The following BCL2 variants were observed in gnomAD, a reference collection of about 807,000 sequenced individuals.
BCL2 encodes the protein BCL2 apoptosis regulator.
BCL2 carries 1 observed loss-of-function variant against 14.2 expected under a neutral mutation model. The observed-to-expected ratio is 0.07, with a 90% confidence interval of 0.02 to 0.33. The LOEUF (loss-of-function observed/expected upper bound fraction) is 0.33. Ranked by LOEUF, BCL2 falls within the 10% of genes least tolerant of loss-of-function variation. BCL2 has a pLI of 0.99. For missense variants in BCL2, 247 were observed against 305.9 expected, an observed-to-expected ratio of 0.81 and a Z score of 1.44; for synonymous variants, 151 against 137.2, an observed-to-expected ratio of 1.10 and a Z score of -0.70.
At position 63,128,708 on chromosome 18, in the gene BCL2, A is replaced by T; in HGVS notation, c.637T>A (p.Ser213Thr). 1.3e-6 allele frequency: 1 copy of T among 781,074 alleles called. No individual in the cohort carries two copies. Among genetic ancestry groups the T allele is most frequent in the Admixed American group, 1.7e-5 (1 of 59,046 alleles). The allele number at this position is 781,074 out of a possible 1,614,324, so 48.4% of individuals were successfully genotyped here. ...GPSMRPLFDF[S>T]WLSLKTLLSL... is the part of the protein sequence containing the mutation. ...AGCAGAGTCTTCAGAGACAGCCAGGAGAAATCAAACAGAGGCCGCATGCTG... is the reference window on the plus strand; with the variant it reads ...AGCAGAGTCTTCAGAGACAGCCAGGTGAAATCAAACAGAGGCCGCATGCTG... Residue 213 changes from serine (S) to threonine (T), a missense_variant, in exon 3 of 3, where the codon TCC becomes ACC. Coordinates refer to ENST00000333681, the MANE Select transcript of BCL2 (RefSeq NM_000633.3).
chr18:63,299,106 G>A (rs977339875), intron 2 of BCL2, among the ~76,000 whole-genome samples: 1 of 152,192 alleles, frequency 6.6e-6, no homozygotes, highest in African/African-American at 2.4e-5. Context: ...AGAAATACAC[G>A]AATAGTGATA....
At chr18:63,139,716 A>G (rs1914305671) in intron 2 of BCL2, among the ~76,000 whole-genome samples, 1 of 152,200 alleles carries the variant, frequency 6.6e-6, no homozygotes, top group African/African-American at 2.4e-5. Flanking sequence ...TTTTGGCTTT[A>G]AAACGAAGTT....
chr18:63,200,509 T>C (rs1188319356), intron 2 of BCL2, among the ~76,000 whole-genome samples: 1 of 151,970 alleles, frequency 6.6e-6, no homozygotes, highest in Non-Finnish European at 1.5e-5. Flanking sequence ...GTCAAAGCCA[T>C]CTTTGAAGGG....
At chr18:63,245,198 A>G (rs1568245221) in intron 2 of BCL2, among the ~76,000 whole-genome samples, 1 of 152,238 alleles carries the variant, frequency 6.6e-6, no homozygotes, top group Non-Finnish European at 1.5e-5. Flanking sequence ...CTTCTTAGAA[A>G]TAAACTACTC....
At chr18:63,192,691 C>T (rs1467819171) in intron 2 of BCL2, among the ~76,000 whole-genome samples, 1 of 152,126 alleles carries the variant, frequency 6.6e-6, no homozygotes, top group Non-Finnish European at 1.5e-5. Context: ...CTTGCCATTG[C>T]ATCAGCTCCA....
intron 2 of BCL2, among the ~76,000 whole-genome samples, chr18:63,284,831 CA>C (rs4987733): frequency 3.7e-3 from 557 of 151,968 alleles, no homozygotes; most frequent in African/African-American, 0.013. Context: ...GGTTTTTATT[CA>C]AAATCCTCCT....
chr18:63,291,183 T>G (rs184019469), intron 2 of BCL2, among the ~76,000 whole-genome samples: 109 of 152,198 alleles, frequency 7.2e-4, no homozygotes, highest in African/African-American at 2.5e-3. Context: ...AAGCAAAAAA[T>G]GGATAAGGTT....
chr18:63,261,732 T>C (rs1216665781), intron 2 of BCL2, among the ~76,000 whole-genome samples: 1 of 152,152 alleles, frequency 6.6e-6, no homozygotes, highest in African/African-American at 2.4e-5. Flanking sequence ...TTGTATAATA[T>C]TGGGTTTGCC....
intron 2 of BCL2, among the ~76,000 whole-genome samples, chr18:63,170,901 C>A (rs1473445327): frequency 6.6e-6 from 1 of 152,202 alleles, no homozygotes. Flanking sequence ...GAGAGTTACA[C>A]CAATCGAGTG....
At chr18:63,270,562 C>T (rs986238723) in intron 2 of BCL2, among the ~76,000 whole-genome samples, 1 of 152,046 alleles carries the variant, frequency 6.6e-6, no homozygotes, top group Admixed American at 6.6e-5. Flanking sequence ...TATGTGTATA[C>T]ATAAATACAA....
intron 2 of BCL2, among the ~76,000 whole-genome samples, chr18:63,217,075 T>C (rs1204814660): frequency 6.6e-6 from 1 of 152,290 alleles, no homozygotes; most frequent in South Asian, 2.1e-4. Flanking sequence ...GATTTTATGC[T>C]TTCTCTCTCT....
At chr18:63,259,347 C>T (rs947114929) in intron 2 of BCL2, among the ~76,000 whole-genome samples, 3 of 152,248 alleles carry the variant, frequency 2.0e-5, no homozygotes, top group Non-Finnish European at 2.9e-5. Context: ...AAAAGGCAAA[C>T]GCAGTTTGCA....
intron 2 of BCL2, among the ~76,000 whole-genome samples, chr18:63,202,229 A>T (rs1909714976): frequency 6.6e-6 from 1 of 152,180 alleles, no homozygotes; most frequent in Non-Finnish European, 1.5e-5. Flanking sequence ...GAATCACTTG[A>T]ACTCAGGAGG....
At chr18:63,260,194 C>T (rs1599275505) in intron 2 of BCL2, among the ~76,000 whole-genome samples, 1 of 152,162 alleles carries the variant, frequency 6.6e-6, no homozygotes, top group African/African-American at 2.4e-5. Context: ...ACACTGTAGC[C>T]TTCACTACAA....
At chr18:63,141,540 C>T (rs187867772) in intron 2 of BCL2, among the ~76,000 whole-genome samples, 2 of 152,344 alleles carry the variant, frequency 1.3e-5, no homozygotes, top group East Asian at 3.9e-4. Flanking sequence ...CTCTGCCTCT[C>T]ATGCCAGTTT....
intron 2 of BCL2, among the ~76,000 whole-genome samples, chr18:63,300,393 G>T (rs148696211): frequency 7.0e-4 from 106 of 150,832 alleles, no homozygotes; most frequent in South Asian, 4.0e-3. Flanking sequence ...TGAAGGATAT[G>T]TAAGAGTTTG....
intron 2 of BCL2, among the ~76,000 whole-genome samples, chr18:63,222,451 A>C (rs1348068053): frequency 2.0e-5 from 3 of 152,144 alleles, no homozygotes; most frequent in Non-Finnish European, 2.9e-5. Flanking sequence ...AACTGGAAAG[A>C]TACAATCTCA....
chr18:63,151,726 C>T (rs1413272527), intron 2 of BCL2, among the ~76,000 whole-genome samples: 1 of 152,160 alleles, frequency 6.6e-6, no homozygotes, highest in East Asian at 1.9e-4. Flanking sequence ...TCCGTGGCAG[C>T]CTAAGATAAA....
intron 2 of BCL2, among the ~76,000 whole-genome samples, chr18:63,217,416 T>C (rs1411814493): frequency 6.6e-6 from 1 of 152,130 alleles, no homozygotes; most frequent in African/African-American, 2.4e-5. Flanking sequence ...TTATTCCCAA[T>C]GGTCAGGAAA....
Sources: allele counts gnomAD v4.1 joint callset (sites outside exome capture counted in the v4.1 genomes callset), GRCh38; gene constraint gnomAD v4.1.1; transcripts MANE v1.5; gene names NCBI Gene and HGNC (gene_info 2026-07-23, HGNC 2026-07-21).